MYO16: variants seen among roughly 807,000 people sequenced by gnomAD.
The protein encoded by MYO16 is unconventional myosin-XVI.
Under a neutral mutation model 205.3 loss-of-function variants are expected in MYO16, and 94 were observed. That is an observed-to-expected ratio of 0.46 (90% CI 0.39 to 0.54). MYO16 has a LOEUF of 0.54. Among genes scored for constraint, MYO16 ranks in the 20% least tolerant of loss-of-function variants. The probability of loss-of-function intolerance (pLI) is 0.00; values close to 1 mark genes in which losing one functional copy is unlikely to be tolerated. For synonymous variants in MYO16, 988 were observed against 954.0 expected (o/e 1.04, Z -0.66); for missense variants, 2,315 against 2,387.5 (o/e 0.97, Z 0.63).
chr13:108,638,875 C>T (rs999267236), intron 1 of MYO16, among the ~76,000 whole-genome samples: 1 of 152,180 alleles, frequency 6.6e-6, no homozygotes, highest in East Asian at 1.9e-4. Context: ...CTGGGGCAAG[C>T]TCATCAGAGT....
At chr13:108,517,554 C>G in the MYO16 span, among the ~76,000 whole-genome samples, 1 of 152,174 alleles carries the variant, frequency 6.6e-6, no homozygotes, top group African/African-American at 2.4e-5. Flanking sequence ...TTCACCATAA[C>G]AAGAGCAGCC....
At chr13:108,861,886 T>C (rs1878465223) in intron 11 of MYO16, among the ~76,000 whole-genome samples, 1 of 152,150 alleles carries the variant, frequency 6.6e-6, no homozygotes, top group Non-Finnish European at 1.5e-5. Flanking sequence ...TTCCAGTTTA[T>C]GGCTTGTATT....
intron 21 of MYO16, among the ~76,000 whole-genome samples, chr13:108,996,997 A>G (rs1162597957): frequency 6.6e-6 from 1 of 152,168 alleles, no homozygotes; most frequent in African/African-American, 2.4e-5. Flanking sequence ...ACATGTTAAC[A>G]ATATGCTGGA....
intron 2 of MYO16, among the ~76,000 whole-genome samples, chr13:108,689,788 A>G (rs1882820703): frequency 1.3e-5 from 2 of 152,178 alleles, no homozygotes; most frequent in African/African-American, 4.8e-5. Flanking sequence ...AAACTCCACC[A>G]CAGCCTACAT....
intron 25 of MYO16, among the ~76,000 whole-genome samples, chr13:109,052,826 T>C (rs1887288475): frequency 6.6e-6 from 1 of 152,196 alleles, no homozygotes; most frequent in Admixed American, 6.5e-5. Context: ...ATTCTGTTGA[T>C]ATTAATCACT....
chr13:108,767,318 G>C (rs138795463), intron 4 of MYO16, among the ~76,000 whole-genome samples: 1 of 152,076 alleles, frequency 6.6e-6, no homozygotes, highest in African/African-American at 2.4e-5. Flanking sequence ...TAGCCAGGAC[G>C]GTCTCGATCT....
intron 1 of MYO16, among the ~76,000 whole-genome samples, chr13:108,645,402 C>G (rs1283953563): frequency 6.6e-6 from 1 of 152,162 alleles, no homozygotes; most frequent in Admixed American, 6.5e-5. Flanking sequence ...AAAATGACCT[C>G]TACACCTTGT....
chr13:109,018,794 G>A lies in MYO16; in HGVS notation c.2596-917G>A, dbSNP rs996790265. On this transcript the variant is annotated intron_variant, in intron 22 of 34. Transcript: ENST00000457511. Reference sequence around the variant, plus strand: ...CACTTCCTGGGTGATGCGATGCCCCGCTCTGCTTCAGCTCACCCTCCATGG... The same window carrying A: ...CACTTCCTGGGTGATGCGATGCCCCACTCTGCTTCAGCTCACCCTCCATGG... Among the ~76,000 whole-genome samples the A allele has an allele frequency of 3.3e-5, 5 of 152,090 alleles. 1 individual carries two copies. Among genetic ancestry groups the A allele is most frequent in the South Asian group, 4.1e-4 (2 of 4,832 alleles).
At chr13:109,198,161 C>A (rs549518438) in intron 34 of MYO16, among the ~76,000 whole-genome samples, 1 of 148,426 alleles carries the variant, frequency 6.7e-6, no homozygotes, top group East Asian at 1.9e-4. Flanking sequence ...TCATCCTACT[C>A]ATAAATAAAA....
intron 16 of MYO16, among the ~76,000 whole-genome samples, chr13:108,946,009 C>G (rs1882925433): frequency 6.6e-6 from 1 of 152,138 alleles, no homozygotes. Context: ...GTCTGTGTGC[C>G]TGGGGGTAGA....
rs1886160673 is a variant in MYO16, at chr13:109,023,221, T to TTATATATTATACAGATATAAATATATA, written c.2796+3314_2796+3340dup. Among the ~76,000 whole-genome samples the TTATATATTATACAGATATAAATATATA allele has an allele frequency of 4.5e-5, 5 of 111,652 alleles. No individual in the cohort carries two copies. In the South Asian group the frequency reaches 8.5e-4, roughly 19 times the overall value. 73.2% of individuals were successfully genotyped at this position (111,652 alleles called of 152,430 possible). ...TATGAATATAAATTTATGTATATAT[T>TTATATATTATACAGATATAAATATATA]TATATATTATACAGATATAAATATA... On this transcript the variant is annotated intron_variant, in intron 23 of 34. Transcript: ENST00000457511.
intron 1 of MYO16, among the ~76,000 whole-genome samples, chr13:108,633,049 G>A (rs1001361749): frequency 5.3e-5 from 8 of 152,114 alleles, no homozygotes; most frequent in South Asian, 2.1e-4. Flanking sequence ...CTAAGCATAC[G>A]GGTTTGGGGC....
At chr13:109,116,352 A>G (rs1875681253) in intron 28 of MYO16, among the ~76,000 whole-genome samples, 1 of 152,072 alleles carries the variant, frequency 6.6e-6, no homozygotes, top group South Asian at 2.1e-4. Flanking sequence ...TGAAAAACCC[A>G]CCAGGGGATT....
intron 15 of MYO16, among the ~76,000 whole-genome samples, chr13:108,909,118 A>G (rs536630615): frequency 4.6e-5 from 7 of 152,192 alleles, no homozygotes; most frequent in East Asian, 1.9e-4. Flanking sequence ...CATGCCAAAC[A>G]TACAGTCATA....
intron 2 of MYO16, among the ~76,000 whole-genome samples, chr13:108,692,782 G>C (rs1246756537): frequency 6.6e-6 from 1 of 152,166 alleles, no homozygotes; most frequent in Non-Finnish European, 1.5e-5. Flanking sequence ...CTAGGAACCT[G>C]GGAAATAACT....
rs1294562475 is a variant in MYO16, at chr13:109,206,600, C to T, written c.5416-9C>T. ...CTACCTGTTTTTTCTGCCCCTCTTC[C>T]TCCCACAGGTAATCCATCAGCTGAG... On this transcript the variant is annotated splice_polypyrimidine_tract_variant and intron_variant, in intron 34 of 34. Transcript: ENST00000457511. The T allele has an allele frequency of 1.9e-6, 3 of 1,603,184 alleles. No homozygotes were observed. The highest frequency in any genetic ancestry group is 2.2e-5 in the East Asian group (1 of 44,662).
In MYO16 at chr13:108,747,810, G is replaced by T. The variant is rs986322104; in HGVS notation, c.507+20227G>T. On this transcript the variant is annotated intron_variant, in intron 4 of 34. Transcript: ENST00000457511. ...AAACCACATTGAATATAAAGATGCA[G>T]ACAGGATAAATGTAAATGAAAAAAG... Among the ~76,000 whole-genome samples the T allele has an allele frequency of 3.1e-4, 47 of 151,932 alleles. 1 individual carries two copies. Among genetic ancestry groups the T allele is most frequent in the Admixed American group, 2.9e-3 (44 of 15,258 alleles).
At chr13:109,161,122 G>A (rs1013246547) in intron 32 of MYO16, among the ~76,000 whole-genome samples, 9 of 152,292 alleles carry the variant, frequency 5.9e-5, no homozygotes, top group East Asian at 3.9e-4. Context: ...GTAGAATGCC[G>A]CGGCTACTAC....
At chr13:108,680,371 A>G (rs573175830) in intron 2 of MYO16, among the ~76,000 whole-genome samples, 4 of 152,346 alleles carry the variant, frequency 2.6e-5, no homozygotes, top group South Asian at 2.1e-4. Flanking sequence ...TGTTTCTACA[A>G]TGCAAAATAA....
Sources: allele counts gnomAD v4.1 joint callset (sites outside exome capture counted in the v4.1 genomes callset), GRCh38; gene constraint gnomAD v4.1.1; transcripts MANE v1.5; gene names NCBI Gene and HGNC (gene_info 2026-07-23, HGNC 2026-07-21).